Variants in CFAP47 observed in about 807,000 individuals in gnomAD.
The protein encoded by CFAP47 is cilia and flagella associated protein 47.
CFAP47 carries 29 observed loss-of-function variants against 148.1 expected under a neutral mutation model. That is an observed-to-expected ratio of 0.20 (90% CI 0.15 to 0.27). The LOEUF (loss-of-function observed/expected upper bound fraction) is 0.27. Ranked by LOEUF, CFAP47 falls within the 10% of genes least tolerant of loss-of-function variation. The probability of loss-of-function intolerance (pLI) is 1.00; values close to 1 mark genes in which losing one functional copy is unlikely to be tolerated. For missense variants in CFAP47, 1,872 were observed against 1,697.5 expected, an observed-to-expected ratio of 1.10 and a Z score of -1.81; for synonymous variants, 664 against 577.3, an observed-to-expected ratio of 1.15 and a Z score of -2.15.
intron 22 of CFAP47, among the ~76,000 whole-genome samples, chrX:36,019,622 C>T (rs1473499909): frequency 6.3e-5 from 7 of 111,431 alleles, no homozygotes; most frequent in Admixed American, 2.9e-4. Context: ...AATATTTTTC[C>T]CACCCGCCTG....
chrX:36,033,577 T>C (rs1937305360), intron 23 of CFAP47, among the ~76,000 whole-genome samples: 2 of 111,659 alleles, frequency 1.8e-5, no homozygotes, highest in African/African-American at 6.5e-5. Flanking sequence ...TTGAAACATG[T>C]TGTTTTCTTT....
Position 36,073,394 on chromosome X carries a change from T to C in CFAP47, c.4691+30T>C, listed in dbSNP as rs771141627. 4.2e-6 allele frequency: 4 copies of C among 956,913 alleles called. No homozygotes were observed. The Admixed American group carries it at 7.2e-5, about 17-fold the overall frequency. The allele number at this position is 956,913 out of a possible 1,213,427, so 78.9% of individuals were successfully genotyped here. A position where few individuals can be genotyped will look rare whatever the true frequency, so the allele number is the denominator to read the frequency against. On this transcript the variant is annotated intron_variant, in intron 29 of 63. Coordinates refer to ENST00000378653, the MANE Select transcript of CFAP47 (RefSeq NM_001304548.2). ...GAGTCCCATGTTTCTCTAAATTCTT[T>C]GCTTCATATCACATCATAAAATATA...
At chrX:36,116,065 A>C (rs899635487) in intron 33 of CFAP47, among the ~76,000 whole-genome samples, 3 of 112,010 alleles carry the variant, frequency 2.7e-5, no homozygotes, top group Non-Finnish European at 5.6e-5. Context: ...TTTGAGTTAA[A>C]TTTAATTTTA....
At chrX:36,000,769 T>C (rs1022203203) in intron 20 of CFAP47, among the ~76,000 whole-genome samples, 2 of 111,748 alleles carry the variant, frequency 1.8e-5, no homozygotes, top group African/African-American at 6.5e-5. Flanking sequence ...ATAAATGTCT[T>C]TGGGGAGCTA....
chrX:36,109,540 A>G (rs1244486262), intron 33 of CFAP47, among the ~76,000 whole-genome samples: 6 of 111,263 alleles, frequency 5.4e-5, no homozygotes, highest in African/African-American at 1.6e-4. Context: ...CAGTGGCACA[A>G]TCTTGGCTCA....
chrX:36,138,423 G>A lies in CFAP47; in HGVS notation c.5494G>A (p.Val1832Ile), dbSNP rs1939083324. ...EEYLHNCLII[V>I]NTLYEIDFDV... is the part of the protein sequence containing the mutation. ...GTATCTGCACAATTGCCTGATTATT[G>A]TAAATACTCTTTATGAAATTGACTT... Residue 1832 changes from valine (V) to isoleucine (I), a missense_variant, in exon 35 of 64, where the codon GTA becomes ATA. Coordinates refer to ENST00000378653, the MANE Select transcript of CFAP47 (RefSeq NM_001304548.2). 1.7e-6 allele frequency: 2 copies of A among 1,157,889 alleles called. No homozygotes were observed. The highest frequency in any genetic ancestry group is 2.2e-5 in the South Asian group (1 of 46,408).
chrX:36,357,604 C>T (rs1556018617), intron 60 of CFAP47, among the ~76,000 whole-genome samples: 1 of 111,956 alleles, frequency 8.9e-6, no homozygotes, highest in African/African-American at 3.2e-5. Flanking sequence ...ATCTATGCAC[C>T]TGTACTATTT....
At chrX:36,097,921 C>G (rs1302079703) in intron 30 of CFAP47, among the ~76,000 whole-genome samples, 1 of 111,793 alleles carries the variant, frequency 8.9e-6, no homozygotes, top group Non-Finnish European at 1.9e-5. Context: ...CTTTCTCTAC[C>G]TCCTCTGTAA....
intron 57 of CFAP47, among the ~76,000 whole-genome samples, chrX:36,333,899 T>C (rs1326473955): frequency 8.9e-6 from 1 of 111,758 alleles, no homozygotes; most frequent in Non-Finnish European, 1.9e-5. Flanking sequence ...TAGTCTCATC[T>C]TCCTTGCTTC....
intron 33 of CFAP47, among the ~76,000 whole-genome samples, chrX:36,105,121 T>C (rs765596464): frequency 8.0e-5 from 9 of 111,993 alleles, no homozygotes; most frequent in Non-Finnish European, 1.7e-4. Flanking sequence ...GCAATAATGC[T>C]TCATGAATTC....
chrX:36,178,404 A>T (rs892488244), intron 39 of CFAP47, among the ~76,000 whole-genome samples: 2 of 111,762 alleles, frequency 1.8e-5, no homozygotes, highest in Admixed American at 1.9e-4. Flanking sequence ...TAGAATAAGA[A>T]AAATAATAAA....
At chrX:35,949,286 G>T (rs1936130503) in intron 4 of CFAP47, among the ~76,000 whole-genome samples, 1 of 110,788 alleles carries the variant, frequency 9.0e-6, no homozygotes, top group Non-Finnish European at 1.9e-5. Context: ...AGGCTATGAA[G>T]TCTTAGGAGG....
chrX:36,004,556 C>G (rs1306796470), intron 21 of CFAP47, among the ~76,000 whole-genome samples: 3 of 110,443 alleles, frequency 2.7e-5, no homozygotes. Context: ...TATCCATACT[C>G]TATAATATTA....
At chrX:36,016,161 T>C (rs1461116134) in intron 22 of CFAP47, among the ~76,000 whole-genome samples, 1 of 110,740 alleles carries the variant, frequency 9.0e-6, no homozygotes, top group African/African-American at 3.3e-5. Context: ...TCAATGATAC[T>C]CTTTTGGTTA....
At chrX:36,202,726 A>G (rs1293270337) in intron 44 of CFAP47, among the ~76,000 whole-genome samples, 3 of 110,017 alleles carry the variant, frequency 2.7e-5, no homozygotes, top group Non-Finnish European at 5.7e-5. Flanking sequence ...AATACAAAAA[A>G]CTTAGCCTAG....
intron 35 of CFAP47, among the ~76,000 whole-genome samples, chrX:36,143,093 A>G (rs1163412049): frequency 1.8e-5 from 2 of 112,307 alleles, no homozygotes; most frequent in African/African-American, 6.5e-5. Flanking sequence ...AAAGAATGTG[A>G]GACCACAAAA....
intron 39 of CFAP47, among the ~76,000 whole-genome samples, chrX:36,162,775 G>A (rs1410370709): frequency 1.8e-5 from 2 of 111,378 alleles, no homozygotes; most frequent in African/African-American, 6.5e-5. Context: ...CTATAATGCT[G>A]TTTTTTAATT....
At chrX:35,923,576 C>T (rs1023939974) in intron 1 of CFAP47, among the ~76,000 whole-genome samples, 1 of 110,278 alleles carries the variant, frequency 9.1e-6, no homozygotes, top group Admixed American at 9.8e-5. Flanking sequence ...ATTCCCAGCA[C>T]TTTGGGAGGC....
chrX:36,354,499 A>G (rs1388035367), intron 60 of CFAP47, among the ~76,000 whole-genome samples: 9 of 109,260 alleles, frequency 8.2e-5, no homozygotes, highest in Non-Finnish European at 1.7e-4. Flanking sequence ...AAAAAAAAAA[A>G]AGATTTACTA....
Sources: allele counts gnomAD v4.1 joint callset (sites outside exome capture counted in the v4.1 genomes callset), GRCh38; gene constraint gnomAD v4.1.1; transcripts MANE v1.5; gene names NCBI Gene and HGNC (gene_info 2026-07-23, HGNC 2026-07-21).